The following SLC23A2 variants were observed in gnomAD, a reference collection of about 807,000 sequenced individuals.
SLC23A2 encodes the protein Na(+)/L-ascorbic acid transporter 2.
In SLC23A2, 36 loss-of-function variants were observed where a neutral mutation model predicts 73.3. The ratio of observed to expected loss-of-function variants is 0.49; its 90% confidence interval spans 0.38 to 0.65. The LOEUF is 0.65. Ranked by LOEUF, SLC23A2 falls within the 30% of genes least tolerant of loss-of-function variation. The pLI is 0.00. For synonymous variants in SLC23A2, 343 were observed against 327.3 expected, an observed-to-expected ratio of 1.05 and a Z score of -0.52; for missense variants, 507 against 841.6, an observed-to-expected ratio of 0.60 and a Z score of 4.92.
At chr20:4,865,733 C>T (rs1301653814) in intron 13 of SLC23A2, among the ~76,000 whole-genome samples, 1 of 152,212 alleles carries the variant, frequency 6.6e-6, no homozygotes, top group Non-Finnish European at 1.5e-5. Flanking sequence ...CCTCAGATAC[C>T]AACAACCACA....
rs1186509683 is a variant in SLC23A2, at chr20:4,883,384, A to G, written c.824+258T>C. On this transcript the variant is annotated intron_variant, in intron 9 of 16. Coordinates refer to ENST00000338244, the MANE Select transcript of SLC23A2 (RefSeq NM_005116.6). The surrounding 1 kb of genome is among the most constrained non-coding windows in gnomAD (Gnocchi z 4.5). Reference sequence around the variant, plus strand: ...CAAAAACAAATGGCGCCACTACCTTACCCCACTACCAAAGCTTAAAAACTT... The same window carrying G: ...CAAAAACAAATGGCGCCACTACCTTGCCCCACTACCAAAGCTTAAAAACTT... 1.7e-4 allele frequency among the ~76,000 whole-genome samples: 26 copies of G among 151,984 alleles called. No homozygotes were observed. The highest frequency in any genetic ancestry group is 1.7e-3 in the Admixed American group (26 of 15,250).
chr20:5,009,866 C>A (rs946631917), intron 1 of SLC23A2, among the ~76,000 whole-genome samples: 5 of 151,500 alleles, frequency 3.3e-5, no homozygotes, highest in African/African-American at 4.9e-5. Context: ...GAGGCCGAGG[C>A]GGGCGGATCA....
chr20:4,932,738 A>C (rs1932803087), intron 2 of SLC23A2, 22 bp from the exon 3 acceptor site: 1 of 579,762 alleles, frequency 1.7e-6, no homozygotes, highest in Non-Finnish European at 3.1e-6. Context: ...GAGCACAGCC[A>C]AATCACCCCA....
chr20:4,999,574 T>C (rs531702169), intron 1 of SLC23A2, among the ~76,000 whole-genome samples: 2 of 143,580 alleles, frequency 1.4e-5, no homozygotes, highest in East Asian at 2.0e-4. Flanking sequence ...TTTTTTTTTA[T>C]AGAAACAGGA....
intron 4 of SLC23A2, among the ~76,000 whole-genome samples, chr20:4,904,359 G>T (rs1931860895): frequency 6.6e-6 from 1 of 152,162 alleles, no homozygotes; most frequent in South Asian, 2.1e-4. Flanking sequence ...ACTCCACTGG[G>T]AGAGGATGGC....
intron 1 of SLC23A2, among the ~76,000 whole-genome samples, chr20:4,981,466 T>G (rs2087724275): frequency 6.6e-6 from 1 of 152,164 alleles, no homozygotes; most frequent in Non-Finnish European, 1.5e-5. Flanking sequence ...CACCTGGAAG[T>G]GCTCGGGCTG....
At chr20:4,963,830 A>G (rs2087430975) in intron 2 of SLC23A2, among the ~76,000 whole-genome samples, 1 of 152,140 alleles carries the variant, frequency 6.6e-6, no homozygotes, top group Non-Finnish European at 1.5e-5. Context: ...CCTGGGTGAC[A>G]TAGTGAGACT....
At chr20:4,959,546 G>A (rs2087346795) in intron 2 of SLC23A2, among the ~76,000 whole-genome samples, 1 of 152,070 alleles carries the variant, frequency 6.6e-6, no homozygotes, top group African/African-American at 2.4e-5. Context: ...TACCCAGACT[G>A]GAGTGCCGTA....
intron 1 of SLC23A2, among the ~76,000 whole-genome samples, chr20:4,987,005 T>G (rs2087841864): frequency 1.3e-5 from 2 of 152,120 alleles, no homozygotes; most frequent in African/African-American, 4.8e-5. Flanking sequence ...TGGTGAAGTC[T>G]ACTGTAGATC....
chr20:4,856,878 G>A lies in SLC23A2; in HGVS notation c.*94C>T. The A allele has an allele frequency of 1.3e-6, 1 of 792,740 alleles. No individual in the cohort carries two copies. The highest frequency in any genetic ancestry group is 1.6e-5 in the South Asian group (1 of 63,246). 49.1% of individuals were successfully genotyped at this position (792,740 alleles called of 1,614,324 possible). On this transcript the variant is annotated 3_prime_UTR_variant, in exon 17 of 17. Transcript: ENST00000338244. This position sits in a 1 kb window ranked among gnomAD's most constrained non-coding sequence, Gnocchi z 4.6. ...TAGCTCTGGGGCGCAGAATGTAAAT[G>A]TAGATATACAAACATGTATTTTACT...
At chr20:4,972,155 C>T (rs1379221818) in intron 1 of SLC23A2, among the ~76,000 whole-genome samples, 1 of 152,190 alleles carries the variant, frequency 6.6e-6, no homozygotes, top group Non-Finnish European at 1.5e-5. Context: ...CTGGCCCTCC[C>T]TTGTGAAGAA....
At chr20:4,991,181 C>T (rs141796616) in intron 1 of SLC23A2, among the ~76,000 whole-genome samples, 2 of 152,140 alleles carry the variant, frequency 1.3e-5, no homozygotes, top group East Asian at 3.9e-4. Context: ...CATCACAACT[C>T]ACTGCAGCCT....
At chr20:4,975,948 G>T (rs2087638815) in intron 1 of SLC23A2, among the ~76,000 whole-genome samples, 1 of 150,854 alleles carries the variant, frequency 6.6e-6, no homozygotes, top group Non-Finnish European at 1.5e-5. Context: ...CTTCCTCCCG[G>T]GTTCACGCCT....
chr20:4,860,698 G>C (rs571612719), intron 15 of SLC23A2, among the ~76,000 whole-genome samples: 1 of 152,294 alleles, frequency 6.6e-6, no homozygotes, highest in South Asian at 2.1e-4. Context: ...TGGATGAATC[G>C]ATAAACAATT....
intron 3 of SLC23A2, among the ~76,000 whole-genome samples, chr20:4,917,021 A>C (rs2122904835): frequency 6.6e-6 from 1 of 152,310 alleles, no homozygotes; most frequent in African/African-American, 2.4e-5. Flanking sequence ...AGCCTAGAAA[A>C]AAAGCTCACA....
chr20:4,919,625 T>C (rs1568624470), intron 3 of SLC23A2, among the ~76,000 whole-genome samples: 1 of 152,194 alleles, frequency 6.6e-6, no homozygotes, highest in South Asian at 2.1e-4. Context: ...CACATATTCA[T>C]GCCTGGCACT....
intron 13 of SLC23A2, among the ~76,000 whole-genome samples, chr20:4,866,163 G>A (rs1469677296): frequency 6.6e-6 from 1 of 152,066 alleles, no homozygotes; most frequent in African/African-American, 2.4e-5. Flanking sequence ...AAATCATCTC[G>A]ACATTACTTA....
intron 4 of SLC23A2, among the ~76,000 whole-genome samples, chr20:4,911,402 G>T (rs189928733): frequency 1.3e-5 from 2 of 152,142 alleles, no homozygotes; most frequent in South Asian, 2.1e-4. Flanking sequence ...TGTTTAAAAG[G>T]GCATAAAATT....
intron 2 of SLC23A2, among the ~76,000 whole-genome samples, chr20:4,957,908 A>G (rs551094815): frequency 2.6e-5 from 4 of 152,156 alleles, no homozygotes; most frequent in African/African-American, 9.6e-5. Flanking sequence ...CTCAAAAAAA[A>G]AAAAAAAAAA....
Sources: gnomAD v4.1 joint callset for allele counts (sites outside exome capture counted in the v4.1 genomes callset) on GRCh38, gnomAD v4.1.1 for gene constraint, Gnocchi (gnomAD v3.1) non-coding constraint, MANE v1.5 for transcripts, NCBI Gene and HGNC (gene_info 2026-07-23, HGNC 2026-07-21) for gene names.